TMCO5A: variants seen among roughly 807,000 people sequenced by gnomAD.
TMCO5A encodes transmembrane and coiled-coil domain-containing protein 5A.
TMCO5A carries 34 observed loss-of-function variants against 42.3 expected under a neutral mutation model. The observed-to-expected ratio is 0.80, with a 90% CI of 0.61 to 1.07. The LOEUF is 1.07. TMCO5A is among the 50% of genes least tolerant of loss of function. The pLI is 0.00. For synonymous variants in TMCO5A, 131 were observed against 115.6 expected (o/e 1.13, Z -0.86); for missense variants, 357 against 327.9 (o/e 1.09, Z -0.69).
the TMCO5A span, among the ~76,000 whole-genome samples, chr15:38,021,397 G>C: frequency 0.017 from 2,528 of 152,270 alleles, 36 homozygotes; most frequent in South Asian, 0.032. Flanking sequence ...CAGAAACTCA[G>C]CATATTTCCA....
intron 11 of TMCO5A, 98 bp downstream of exon 11, chr15:37,947,794 A>G (rs1484332231): frequency 1.1e-5 from 8 of 755,728 alleles, no homozygotes; most frequent in Middle Eastern, 2.3e-4. Context: ...AGCCTTGTAT[A>G]TGCGTGTGCA....
chr15:38,018,266 C>T, the TMCO5A span, among the ~76,000 whole-genome samples: 3 of 151,214 alleles, frequency 2.0e-5, no homozygotes, highest in Admixed American at 6.6e-5. Flanking sequence ...AGAAGGGCAC[C>T]AACATAACTA....
the TMCO5A span, among the ~76,000 whole-genome samples, chr15:37,986,164 A>C: frequency 2.0e-5 from 3 of 152,108 alleles, no homozygotes; most frequent in African/African-American, 7.2e-5. Flanking sequence ...AATCTCTCAA[A>C]TATATTTTTA....
chr15:38,033,119 A>G, the TMCO5A span, among the ~76,000 whole-genome samples: 2 of 151,924 alleles, frequency 1.3e-5, no homozygotes, highest in Admixed American at 6.6e-5. Flanking sequence ...CAGTAGAGAC[A>G]GGGTTTCACC....
At chr15:37,956,179 A>T (rs935972527), downstream of TMCO5A, among the ~76,000 whole-genome samples, 1 of 152,186 alleles carries the variant, frequency 6.6e-6, no homozygotes, top group Admixed American at 6.5e-5. Context: ...CATCACAATT[A>T]AAAGAACTAG....
At chr15:37,966,932 C>T (rs749820070) in exon 12 of TMCO5A, 11 of 447,882 alleles carry the variant, frequency 2.5e-5, no homozygotes, top group Non-Finnish European at 4.0e-5. Flanking sequence ...TGCATTTCTC[C>T]CACTAAAAGG....
intron 11 of TMCO5A, among the ~76,000 whole-genome samples, chr15:37,949,230 A>T (rs764258522): frequency 6.6e-6 from 1 of 152,194 alleles, no homozygotes; most frequent in Non-Finnish European, 1.5e-5. Context: ...AGAAAATAAC[A>T]TAATCATGGA....
At chr15:38,004,344 C>T in the TMCO5A span, among the ~76,000 whole-genome samples, 3,902 of 151,972 alleles carry the variant, frequency 0.026, 173 homozygotes, top group African/African-American at 0.088. Context: ...GAAGTTTCTC[C>T]CTGTGCTGCC....
intron 9 of TMCO5A, chr15:37,942,766 G>A (rs1366447431): frequency 6.5e-6 from 1 of 154,200 alleles, no homozygotes; most frequent in Non-Finnish European, 1.4e-5. Flanking sequence ...ATTAGAGATG[G>A]GAAAGCACTC....
At chr15:37,946,016 C>T (rs1163590719) in intron 10 of TMCO5A, among the ~76,000 whole-genome samples, 1 of 152,100 alleles carries the variant, frequency 6.6e-6, no homozygotes, top group Non-Finnish European at 1.5e-5. Flanking sequence ...ACATTTAAGT[C>T]TATAATCCAT....
chr15:37,966,039 T>G (rs1890547702), intron 11 of TMCO5A, among the ~76,000 whole-genome samples: 1 of 151,768 alleles, frequency 6.6e-6, no homozygotes, highest in Admixed American at 6.6e-5. Flanking sequence ...ATAAAGAAAA[T>G]ATGGTACATC....
the TMCO5A span, among the ~76,000 whole-genome samples, chr15:38,022,767 A>G: frequency 5.3e-5 from 8 of 152,170 alleles, no homozygotes; most frequent in African/African-American, 1.9e-4. Flanking sequence ...GCAGGGGTAT[A>G]TGGGAAATCT....
intron 11 of TMCO5A, among the ~76,000 whole-genome samples, chr15:37,957,613 AT>A (rs2140807815): frequency 6.6e-6 from 1 of 152,326 alleles, no homozygotes; most frequent in African/African-American, 2.4e-5. Context: ...ATGGAAAAAC[AT>A]TCCATGCTCA....
chr15:38,023,793 A>C, the TMCO5A span, among the ~76,000 whole-genome samples: 1 of 152,236 alleles, frequency 6.6e-6, no homozygotes, highest in Non-Finnish European at 1.5e-5. Context: ...TATCTTTAAA[A>C]GTAAAAGTAA....
intron 10 of TMCO5A, among the ~76,000 whole-genome samples, chr15:37,945,526 C>T (rs1413635941): frequency 1.3e-5 from 2 of 152,100 alleles, no homozygotes; most frequent in Non-Finnish European, 2.9e-5. Context: ...TCTGCAACCT[C>T]ACCAGCATCT....
chr15:37,944,837 T>C (rs115148260), intron 10 of TMCO5A, among the ~76,000 whole-genome samples: 2,498 of 152,194 alleles, frequency 0.016, 78 homozygotes, highest in African/African-American at 0.057. Context: ...GCCACAGAAA[T>C]ACAGGACATA....
downstream of TMCO5A, chr15:37,967,785 G>A (rs1373083464): frequency 6.6e-6 from 1 of 152,070 alleles, no homozygotes; most frequent in East Asian, 1.9e-4. Context: ...AAATTGTCAG[G>A]AGCCTTTATA....
At chr15:37,966,534 G>A (rs1595611996) in intron 11 of TMCO5A, 1 of 699,904 alleles carries the variant, frequency 1.4e-6, no homozygotes, top group Non-Finnish European at 2.6e-6. Flanking sequence ...TTTTTTCAGT[G>A]CGTGAATAGA....
the TMCO5A span, among the ~76,000 whole-genome samples, chr15:38,026,471 G>A: frequency 6.6e-6 from 1 of 152,224 alleles, no homozygotes; most frequent in East Asian, 1.9e-4. Flanking sequence ...CATTTCAGAT[G>A]TGACTTGGGT....
Sources: gnomAD v4.1 joint callset for allele counts (sites outside exome capture counted in the v4.1 genomes callset) on GRCh38, gnomAD v4.1.1 for gene constraint, MANE v1.5 for transcripts, NCBI Gene and HGNC (gene_info 2026-07-23, HGNC 2026-07-21) for gene names.